RIMS2: variants seen among roughly 807,000 people sequenced by gnomAD.
The protein encoded by RIMS2 is regulating synaptic membrane exocytosis protein 2.
In RIMS2, 59 loss-of-function variants were observed where a neutral mutation model predicts 174.4. The observed-to-expected ratio is 0.34, with a 90% CI of 0.27 to 0.42. RIMS2 has a LOEUF of 0.42. RIMS2 is among the 10% of genes least tolerant of loss of function. RIMS2 has a pLI of 1.00. For synonymous variants in RIMS2, 606 were observed against 572.5 expected (o/e 1.06, Z -0.84); for missense variants, 1,620 against 1,666.3 (o/e 0.97, Z 0.48).
intron 3 of RIMS2, among the ~76,000 whole-genome samples, chr8:103,847,916 G>GC (rs2098976134): frequency 6.6e-6 from 1 of 152,000 alleles, no homozygotes; most frequent in Non-Finnish European, 1.5e-5. Flanking sequence ...GAGACCAGCA[G>GC]ATATCTCAGG....
intron 1 of RIMS2, among the ~76,000 whole-genome samples, chr8:103,600,063 G>A (rs1361764583): frequency 6.6e-6 from 1 of 151,834 alleles, no homozygotes; most frequent in Non-Finnish European, 1.5e-5. Context: ...ATCAGCCTTT[G>A]ATAACCCTCC....
In RIMS2 at chr8:104,225,579, C is replaced by A. The variant is rs115561659; in HGVS notation, c.3335-19337C>A. ...TAGGATTGTTGAGTTTACAAAATAT[C>A]ATTCCAAAAACCTTTTTGAGACAAG... is the stretch of plus-strand genomic sequence containing the variant. On this transcript the variant is annotated intron_variant, in intron 19 of 23. Transcript: ENST00000504942. Among the ~76,000 whole-genome samples, 692 of 152,162 alleles carry A rather than the reference C, an allele frequency of 4.5e-3. 9 individuals carry two copies. Among genetic ancestry groups the A allele is most frequent in the African/African-American group, 0.016 (650 of 41,516 alleles).
chr8:103,837,823 C>T (rs922063770), intron 3 of RIMS2, among the ~76,000 whole-genome samples: 3 of 152,020 alleles, frequency 2.0e-5, no homozygotes, highest in Non-Finnish European at 2.9e-5. Context: ...AATAAACATA[C>T]GTGTGCATGT....
At chr8:103,923,989 G>C (rs1477963044) in intron 10 of RIMS2, among the ~76,000 whole-genome samples, 1 of 151,356 alleles carries the variant, frequency 6.6e-6, no homozygotes, top group East Asian at 1.9e-4. Context: ...TGTTTTAATA[G>C]CCATTTTAAT....
chr8:103,896,346 T>C (rs2099277679), intron 4 of RIMS2, among the ~76,000 whole-genome samples: 1 of 151,672 alleles, frequency 6.6e-6, no homozygotes, highest in Non-Finnish European at 1.5e-5. Context: ...TATTGATCCT[T>C]TCAGTAGACC....
intron 3 of RIMS2, among the ~76,000 whole-genome samples, chr8:103,883,096 C>G (rs80009140): frequency 0.012 from 1,758 of 151,738 alleles, 43 homozygotes; most frequent in African/African-American, 0.04. Flanking sequence ...ATCATTCACC[C>G]TCTTAAGAAC....
intron 1 of RIMS2, among the ~76,000 whole-genome samples, chr8:103,669,076 GTTTAATGGACTCATAGT>G (rs2096711753): frequency 6.6e-6 from 1 of 152,166 alleles, no homozygotes; most frequent in Non-Finnish European, 1.5e-5. Flanking sequence ...AAGGAAAGAG[GTTTAATGGACTCATAGT>G]TTGATGTGGC....
At chr8:103,705,712 T>A (rs1282940804) in intron 2 of RIMS2, among the ~76,000 whole-genome samples, 1 of 152,038 alleles carries the variant, frequency 6.6e-6, no homozygotes. Context: ...TTTTTACAGT[T>A]TTTTACTTGA....
intron 1 of RIMS2, among the ~76,000 whole-genome samples, chr8:103,520,559 C>G (rs1159557773): frequency 1.3e-5 from 2 of 152,094 alleles, no homozygotes; most frequent in East Asian, 3.8e-4. Context: ...CATCTTTGCT[C>G]TTTGCTTGCC....
chr8:103,758,049 T>G (rs2098050045), intron 2 of RIMS2, among the ~76,000 whole-genome samples: 1 of 152,198 alleles, frequency 6.6e-6, no homozygotes, highest in Non-Finnish European at 1.5e-5. Flanking sequence ...TGGGGTAATT[T>G]GTAATTTGAG....
At chr8:104,068,741 G>A in intron 19 of RIMS2, 129 bp downstream of exon 23, 1 of 569,912 alleles carries the variant, frequency 1.8e-6, no homozygotes, top group South Asian at 2.4e-5. Flanking sequence ...ATATTATTAA[G>A]TGCTAAAATT....
intron 1 of RIMS2, among the ~76,000 whole-genome samples, chr8:103,563,946 C>T (rs758205152): frequency 7.9e-5 from 12 of 152,154 alleles, no homozygotes; most frequent in South Asian, 2.1e-4. Flanking sequence ...GAGAAAAGCA[C>T]GGCAAAGACC....
At chr8:103,953,307 A>G (rs1424170423) in intron 14 of RIMS2, among the ~76,000 whole-genome samples, 1 of 152,196 alleles carries the variant, frequency 6.6e-6, no homozygotes, top group Non-Finnish European at 1.5e-5. Context: ...TGTCAGATTC[A>G]CCAAGGTTGA....
rs559844035 is a variant in RIMS2 at position 104,185,196 on chromosome 8, G to A, written c.3335-59720G>A. Among the ~76,000 whole-genome samples the A allele has an allele frequency of 1.1e-3, 171 of 151,546 alleles. 1 individual carries two copies. The highest frequency in any genetic ancestry group is 3.8e-3 in the African/African-American group (159 of 41,450). Reference sequence around the variant, plus strand: ...AATAAGCCCTGAGAATAAGGCATACGATCTTGCTTAATTAAGCCAGTTATT... The same window carrying A: ...AATAAGCCCTGAGAATAAGGCATACAATCTTGCTTAATTAAGCCAGTTATT... On this transcript the variant is annotated intron_variant, in intron 19 of 23. Coordinates refer to ENST00000504942, the Ensembl canonical transcript of RIMS2.
In RIMS2 at chr8:103,687,964, A is replaced by G. The variant is rs1172074832; in HGVS notation, c.177-9122A>G. Among the ~76,000 whole-genome samples the G allele has an allele frequency of 5.9e-5, 9 of 152,130 alleles. No homozygotes were observed. The East Asian group carries it at 1.3e-3, about 23-fold the overall frequency. On this transcript the variant is annotated intron_variant, in intron 1 of 23. Transcript: ENST00000504942. The stretch of plus-strand genomic sequence containing the variant: ...ATTGACTATTGTAAATAATGCTGCA[A>G]TGAACATAGGAATATGGATATCTCT...
chr8:103,725,396 C>T (rs1451450376), intron 2 of RIMS2, among the ~76,000 whole-genome samples: 1 of 152,096 alleles, frequency 6.6e-6, no homozygotes, highest in Non-Finnish European at 1.5e-5. Flanking sequence ...AGTTTTTTAT[C>T]CCCGTCTCCC....
intron 19 of RIMS2, among the ~76,000 whole-genome samples, chr8:104,072,995 A>G (rs1270762449): frequency 6.6e-6 from 1 of 152,146 alleles, no homozygotes; most frequent in East Asian, 1.9e-4. Flanking sequence ...TGCTTCTTGT[A>G]CTTTTTTTAT....
At chr8:103,533,678 A>G (rs193061272) in intron 1 of RIMS2, among the ~76,000 whole-genome samples, 27 of 147,982 alleles carry the variant, frequency 1.8e-4, no homozygotes, top group South Asian at 2.1e-4. Context: ...AAAAAAAAAA[A>G]AAAAGAAAAA....
rs201924583 is a variant in RIMS2, at chr8:103,663,479, C to T, written c.177-33607C>T. ...CAATGTGCAAAAATCACAAGCATTC[C>T]TATACACCAATAATAGACAAACAGC... On this transcript the variant is annotated intron_variant, in intron 1 of 23. Coordinates refer to ENST00000504942, the Ensembl canonical transcript of RIMS2. 3.3e-5 allele frequency among the ~76,000 whole-genome samples: 5 copies of T among 152,134 alleles called. No homozygotes were observed. In the Middle Eastern group the frequency reaches 0.01, roughly 310 times the overall value.
Sources: allele counts gnomAD v4.1 joint callset (sites outside exome capture counted in the v4.1 genomes callset), GRCh38; gene constraint gnomAD v4.1.1; transcripts MANE v1.5; gene names NCBI Gene and HGNC (gene_info 2026-07-23, HGNC 2026-07-21).